The following PTGDS variants were observed in gnomAD, a reference collection of about 807,000 sequenced individuals.
PTGDS encodes the protein prostaglandin D2 synthase, also known as prostaglandin-H2 D-isomerase.
Under a neutral mutation model 28.4 loss-of-function variants are expected in PTGDS, and 21 were observed. That is an observed-to-expected ratio of 0.74 (90% CI 0.52 to 1.07). PTGDS has a LOEUF of 1.07. Among genes scored for constraint, PTGDS ranks in the 50% least tolerant of loss-of-function variants. The probability of loss-of-function intolerance (pLI) is 0.00; values close to 1 mark genes in which losing one functional copy is unlikely to be tolerated. For synonymous variants in PTGDS, 102 were observed against 106.0 expected, an observed-to-expected ratio of 0.96 and a Z score of 0.23; for missense variants, 243 against 247.7, an observed-to-expected ratio of 0.98 and a Z score of 0.13.
chr9:136,980,316 C>A, intron 5 of PTGDS, 32 bp downstream of exon 5: 1 of 1,606,604 alleles, frequency 6.2e-7, no homozygotes, highest in South Asian at 1.1e-5. Flanking sequence ...GGGAGAGGAT[C>A]AAGGTCAGAT....
chr9:136,979,425 A>T (rs1310670390), intron 3 of PTGDS, 126 bp downstream of exon 3: 2 of 1,560,076 alleles, frequency 1.3e-6, no homozygotes, highest in Admixed American at 3.9e-5. Context: ...CACCAGCGTC[A>T]GAGGCAAAGG....
In PTGDS at chr9:136,980,284, G is replaced by A. The variant is rs747130034; in HGVS notation, c.550G>A (p.Asp184Asn). The change falls in exon 5 of 7, where the codon GAT (aspartate) becomes AAT (asparagine). Residue 184 changes from aspartate (D) to asparagine (N), a missense_variant and splice_region_variant. Asp to Asn is a conservative substitution (Grantham distance 23). Coordinates refer to ENST00000371625, the MANE Select transcript of PTGDS (RefSeq NM_000954.6). The stretch of plus-strand genomic sequence containing the variant: ...TACCATTGTCTTCCTGCCCCAAACC[G>A]GTGAGGGGTCCTAATCTGATGGGGA... ...EDTIVFLPQTDKCMTEQ is the reference protein window; with the variant it reads ...EDTIVFLPQTNKCMTEQ 2 of 1,613,728 alleles carry A rather than the reference G, an allele frequency of 1.2e-6. No homozygotes were observed. The highest frequency in any genetic ancestry group is 1.7e-5 in the Admixed American group (1 of 59,998).
At chr9:136,980,345 C>A in intron 5 of PTGDS, 61 bp downstream of exon 5, 1 of 1,552,578 alleles carries the variant, frequency 6.4e-7, no homozygotes, top group Admixed American at 1.8e-5. Flanking sequence ...GGCAGGCAGT[C>A]TCCTGACTGG....
rs1002876644 is a variant in PTGDS at position 136,979,357 on chromosome 9, C to G, written c.331+58C>G. On this transcript the variant is annotated intron_variant, in intron 3 of 6. Transcript: ENST00000371625. ...AGCCTGGGGGCGACACTTGCCGGGACGACTCTGGGCCAGCCCCCTGCCGCG... is the reference window on the plus strand; with the variant it reads ...AGCCTGGGGGCGACACTTGCCGGGAGGACTCTGGGCCAGCCCCCTGCCGCG... 4 of 1,583,964 alleles carry G rather than the reference C, an allele frequency of 2.5e-6. No individual in the cohort carries two copies. The African/African-American group carries it at 5.4e-5, about 21-fold the overall frequency.
Position 136,977,670 on chromosome 9 carries a change from A to G in PTGDS, c.92A>G (p.Gln31Arg). 1.2e-6 allele frequency: 2 copies of G among 1,604,058 alleles called. No individual in the cohort carries two copies. The highest frequency in any genetic ancestry group is 8.5e-7 in the Non-Finnish European group (1 of 1,176,558). Reference protein sequence around the residue: ...QAAPEAQVSVQPNFQQDKFLG... With the variant: ...QAAPEAQVSVRPNFQQDKFLG... ...GCACCGGAGGCCCAGGTCTCCGTGC[A>G]GCCCAACTTCCAGCAGGACAAGGTG... Residue 31 changes from glutamine (Q) to arginine (R), a missense_variant, in exon 1 of 7, where the codon CAG (glutamine) becomes CGG (arginine). Transcript: ENST00000371625.
In PTGDS at chr9:136,977,551, C is replaced by T; in HGVS notation, c.-28C>T. The T allele has an allele frequency of 6.5e-7, 1 of 1,527,354 alleles. No homozygotes were observed. 94.6% of individuals were successfully genotyped at this position (1,527,354 alleles called of 1,614,324 possible). On this transcript the variant is annotated 5_prime_UTR_variant, in exon 1 of 7. Coordinates refer to ENST00000371625, the MANE Select transcript of PTGDS (RefSeq NM_000954.6). ...GCTCTCCCACACCACTGGCACCAGG[C>T]CCCGGACACCCGCTCTGCTGCAGGA...
At position 136,981,299 on chromosome 9, in the gene PTGDS, G is replaced by C. The variant is rs34216979; in HGVS notation, c.*1-280G>C. ...CTACATGGATGCCGTGGGACAGCTC[G>C]GAGAGCAGGCTCAGGGCGGATTCAC... On this transcript the variant is annotated intron_variant, in intron 6 of 6. Coordinates refer to ENST00000371625, the MANE Select transcript of PTGDS (RefSeq NM_000954.6). Among the ~76,000 whole-genome samples, 755 of 152,196 alleles carry C rather than the reference G, an allele frequency of 5.0e-3. 8 individuals carry two copies. Among genetic ancestry groups the C allele is most frequent in the African/African-American group, 0.017 (711 of 41,514 alleles).
rs146717258 is a variant in PTGDS, at chr9:136,980,866, CCATT to C, written c.*46_*49del. ...ATGACGGAACAATAGGTGAGCCACT[CCATT>C]CATTCATTCATTCATTCATTCATTC... is the stretch of plus-strand genomic sequence containing the variant. On this transcript the variant is annotated intron_variant, in intron 6 of 6. Coordinates refer to ENST00000371625, the MANE Select transcript of PTGDS (RefSeq NM_000954.6). 5.5e-3 allele frequency: 7,265 copies of C among 1,319,520 alleles called. 20 individuals are homozygous for C. Among genetic ancestry groups the C allele is most frequent in the Admixed American group, 7.4e-3 (320 of 43,536 alleles). 81.7% of individuals were successfully genotyped at this position (1,319,520 alleles called of 1,614,324 possible).
At chr9:136,979,813 GCCGGGTGGGGGAGCATC>G in intron 3 of PTGDS, 116 bp from the exon 4 acceptor site, 1 of 853,358 alleles carries the variant, frequency 1.2e-6, no homozygotes, top group Non-Finnish European at 2.0e-6. Context: ...CTGGAGAGCA[GCCGGGTGGGGGAGCATC>G]CCGGGCCAGC....
intron 3 of PTGDS, 186 bp from the exon 4 acceptor site, chr9:136,979,760 G>A (rs1289215726): frequency 3.0e-6 from 2 of 675,416 alleles, no homozygotes; most frequent in Admixed American, 5.0e-5. Context: ...TTCTGGTTTG[G>A]GGACAGGGTT....
At chr9:136,980,734 C>A in intron 5 of PTGDS, 99 bp from the exon 6 acceptor site, 1 of 1,613,156 alleles carries the variant, frequency 6.2e-7, no homozygotes, top group South Asian at 1.1e-5. Flanking sequence ...GGGGCTCAGT[C>A]AAGACGAGCT....
chr9:136,979,903 T>TG (rs779452478), intron 3 of PTGDS, 43 bp from the exon 4 acceptor site: 3 of 1,567,858 alleles, frequency 1.9e-6, no homozygotes, highest in Admixed American at 1.7e-5. Flanking sequence ...AGGTGAGGTT[T>TG]GGGGGGCTGA....
chr9:136,980,113 C>A (rs754264359), intron 4 of PTGDS, 51 bp downstream of exon 4: 14 of 1,606,452 alleles, frequency 8.7e-6, no homozygotes, highest in Middle Eastern at 1.7e-4. Context: ...AGAGGGGGCT[C>A]CCCAAGACCC....
intron 5 of PTGDS, 132 bp downstream of exon 5, chr9:136,980,416 G>T: frequency 9.5e-7 from 1 of 1,048,924 alleles, no homozygotes. Flanking sequence ...GGACAGAGGG[G>T]GTGAGTGTTC....
chr9:136,980,257 G>A lies in PTGDS; in HGVS notation c.523G>A (p.Asp175Asn). Residue 175 changes from aspartate (D) to asparagine (N), a missense_variant, in exon 5 of 7, where the codon GAT becomes AAT. Asp to Asn is a conservative substitution (Grantham distance 23). Coordinates refer to ENST00000371625, the MANE Select transcript of PTGDS (RefSeq NM_000954.6). ...AFCKAQGFTE[D>N]TIVFLPQTDK... is the part of the protein sequence containing the mutation. Reference sequence around the variant, plus strand: ...CTGCAAGGCCCAGGGCTTCACAGAGGATACCATTGTCTTCCTGCCCCAAAC... The same window carrying A: ...CTGCAAGGCCCAGGGCTTCACAGAGAATACCATTGTCTTCCTGCCCCAAAC... The A allele has an allele frequency of 6.2e-7, 1 of 1,614,082 alleles. No individual in the cohort carries two copies. The highest frequency in any genetic ancestry group is 8.5e-7 in the Non-Finnish European group (1 of 1,179,982).
chr9:136,979,583 A>G, intron 3 of PTGDS: 2 of 886,968 alleles, frequency 2.3e-6, no homozygotes, highest in Non-Finnish European at 3.4e-6. Flanking sequence ...CAGCCCCCCA[A>G]GGCCCCTCCA....
rs558159287 is a variant in PTGDS, at chr9:136,980,225, C to G, written c.491C>G (p.Thr164Ser). 7 of 1,614,084 alleles carry G rather than the reference C, an allele frequency of 4.3e-6. No individual in the cohort carries two copies. In the South Asian group the frequency reaches 6.6e-5, roughly 15 times the overall value. The change falls in exon 5 of 7, where the codon ACC (threonine) becomes AGC (serine). Residue 164 changes from threonine to serine, a missense_variant. Transcript: ENST00000371625. ...TPRAELKEKF[T>S]AFCKAQGFTE... ...AGGGCTGAGTTAAAGGAGAAATTCA[C>G]CGCCTTCTGCAAGGCCCAGGGCTTC...
At chr9:136,978,842 G>A (rs1216272821) in intron 1 of PTGDS, 151 bp from the exon 2 acceptor site, 3 of 1,115,460 alleles carry the variant, frequency 2.7e-6, no homozygotes, top group Non-Finnish European at 3.9e-6. Flanking sequence ...TCCTGGGGCG[G>A]GGCGTGAGGG....
At chr9:136,979,547 G>A in intron 3 of PTGDS, 5 of 1,207,858 alleles carry the variant, frequency 4.1e-6, no homozygotes, top group Non-Finnish European at 5.7e-6. Flanking sequence ...CCCCTTCCCT[G>A]CCCTCTGGAG....
Sources: allele counts gnomAD v4.1 joint callset (sites outside exome capture counted in the v4.1 genomes callset), GRCh38; gene constraint gnomAD v4.1.1; transcripts MANE v1.5; gene names NCBI Gene and HGNC (gene_info 2026-07-23, HGNC 2026-07-21).